The following SERPINB1 variants were observed in gnomAD, a reference collection of about 807,000 sequenced individuals.
SERPINB1 encodes the protein serpin family B member 1.
In SERPINB1, 23 loss-of-function variants were observed where a neutral mutation model predicts 25.9. The ratio of observed to expected loss-of-function variants is 0.89; its 90% CI spans 0.64 to 1.26. The LOEUF is 1.26. SERPINB1 is among the 50% of genes most tolerant of loss of function. The pLI, the probability that SERPINB1 is intolerant of heterozygous loss-of-function variation, is 0.00. For missense variants in SERPINB1, 399 were observed against 463.6 expected (o/e 0.86, Z 1.28); for synonymous variants, 178 against 178.7 (o/e 1.00, Z 0.03).
chr6:2,840,099 TGTA>T lies in SERPINB1; in HGVS notation c.168+317_168+319del, dbSNP rs138679585. Among the ~76,000 whole-genome samples, 1,335 of 152,232 alleles carry T rather than the reference TGTA, an allele frequency of 8.8e-3. 21 individuals are homozygous for T. Among genetic ancestry groups the T allele is most frequent in the African/African-American group, 0.03 (1,252 of 41,538 alleles). The stretch of plus-strand genomic sequence containing the variant: ...ACTGGAAGATGCTAGCTCAGGAGGA[TGTA>T]GTATGCCTTTCAGGAAAGCTGTCAG... On this transcript the variant is annotated intron_variant, in intron 2 of 6. Transcript: ENST00000380739.
chr6:2,833,814 C>A lies in SERPINB1; in HGVS notation c.934G>T (p.Asp312Tyr), dbSNP rs747256292. ...ADLSGMSGAR[D>Y]IFISKIVHKS... ...TGGACAATTTTTGATATAAAAATAT[C>A]TCTGGCTCCTGACATGCCAGACAGA... is the stretch of plus-strand genomic sequence containing the variant. Residue 312 changes from aspartate (D) to tyrosine (Y), a missense_variant, in exon 7 of 7, where the codon GAT becomes TAT. Transcript: ENST00000380739. 1 of 1,614,142 alleles carries A rather than the reference C, an allele frequency of 6.2e-7. No homozygotes were observed. The highest frequency in any genetic ancestry group is 1.7e-5 in the Admixed American group (1 of 60,010).
At chr6:2,836,293 A>T in intron 4 of SERPINB1, 43 bp from the exon 5 acceptor site, 1 of 1,564,772 alleles carries the variant, frequency 6.4e-7, no homozygotes. Context: ...CCAAATCGGA[A>T]TTCCAAATTT....
chr6:2,835,847 G>C lies in SERPINB1; in HGVS notation c.735+9C>G. On this transcript the variant is annotated intron_variant, in intron 6 of 6. Transcript: ENST00000380739. Reference sequence around the variant, plus strand: ...AGGAACCACAAAGCATGAAGCCCAGGAGCCATACCTTCTTCAGGCCCGTGG... The same window carrying C: ...AGGAACCACAAAGCATGAAGCCCAGCAGCCATACCTTCTTCAGGCCCGTGG... The C allele has an allele frequency of 1.2e-6, 2 of 1,608,566 alleles. No individual in the cohort carries two copies. Among genetic ancestry groups the C allele is most frequent in the East Asian group, 4.5e-5 (2 of 44,782 alleles).
intron 6 of SERPINB1, among the ~76,000 whole-genome samples, chr6:2,834,347 CCAGCAACA>C (rs1488013514): frequency 2.6e-5 from 4 of 151,380 alleles, no homozygotes; most frequent in Non-Finnish European, 5.9e-5. Context: ...ACCCAGCTAC[CCAGCAACA>C]CAGCCACCCA....
At chr6:2,834,979 C>T (rs958684522) in intron 6 of SERPINB1, among the ~76,000 whole-genome samples, 1 of 152,108 alleles carries the variant, frequency 6.6e-6, no homozygotes, top group Non-Finnish European at 1.5e-5. Context: ...CTGATAATTC[C>T]TTTTAAGAGG....
Position 2,837,165 on chromosome 6 carries a change from T to C in SERPINB1, c.424+717A>G, listed in dbSNP as rs1766514685. Reference sequence around the variant, plus strand: ...GGTATTTCCATGAAATTCCAGGACATTTCTTTCCATATGAGTATTAGGTAA... The same window carrying C: ...GGTATTTCCATGAAATTCCAGGACACTTCTTTCCATATGAGTATTAGGTAA... On this transcript the variant is annotated intron_variant, in intron 4 of 6. Coordinates refer to ENST00000380739, the MANE Select transcript of SERPINB1 (RefSeq NM_030666.4). The surrounding 1 kb of genome is among the most constrained non-coding windows in gnomAD (Gnocchi z 4.3). Among the ~76,000 whole-genome samples, 1 of 152,274 alleles carries C rather than the reference T, an allele frequency of 6.6e-6. No homozygotes were observed. Among genetic ancestry groups the C allele is most frequent in the South Asian group, 2.1e-4 (1 of 4,838 alleles).
chr6:2,833,768 T>A lies in SERPINB1; in HGVS notation c.980A>T (p.Asn327Ile). The change falls in exon 7 of 7, where the codon AAT (asparagine) becomes ATT (isoleucine). Residue 327 changes from asparagine (N) to isoleucine (I), a missense_variant. By Grantham distance (149) the Asn-to-Ile change is moderately radical. Transcript: ENST00000380739. ...KIVHKSFVEV[N>I]EEGTEAAAAT... ...AGCTGCCGCCTCTGTTCCCTCTTCA[T>A]TCACTTCCACAAATGACTTGTGGAC... 4 of 1,614,176 alleles carry A rather than the reference T, an allele frequency of 2.5e-6. No individual in the cohort carries two copies. The highest frequency in any genetic ancestry group is 3.4e-6 in the Non-Finnish European group (4 of 1,180,014).
At position 2,836,032 on chromosome 6, in the gene SERPINB1, T is replaced by G. The variant is rs385955; in HGVS notation, c.568-9A>C. On this transcript the variant is annotated splice_polypyrimidine_tract_variant and intron_variant, in intron 5 of 6. Coordinates refer to ENST00000380739, the MANE Select transcript of SERPINB1 (RefSeq NM_030666.4). Reference sequence around the variant, plus strand: ...ACAGTTTTTCTGTCTTTCTGAACAGTTTTAAAAAATCACTGAAATTATTCT... The same window carrying G: ...ACAGTTTTTCTGTCTTTCTGAACAGGTTTAAAAAATCACTGAAATTATTCT... 16 of 1,613,712 alleles carry G rather than the reference T, an allele frequency of 9.9e-6. No individual in the cohort carries two copies. In the East Asian group the frequency reaches 3.3e-4, roughly 34 times the overall value.
chr6:2,838,701 A>C lies in SERPINB1; in HGVS notation c.169-15T>G. ...AAATGGAAAGTCTAAAATAAAGAAA[A>C]TCTTCTTTCTACAACCATTTATTTT... On this transcript the variant is annotated splice_polypyrimidine_tract_variant and intron_variant, in intron 2 of 6. Coordinates refer to ENST00000380739, the MANE Select transcript of SERPINB1 (RefSeq NM_030666.4). 1 of 1,541,664 alleles carries C rather than the reference A, an allele frequency of 6.5e-7. No homozygotes were observed. The highest frequency in any genetic ancestry group is 8.7e-7 in the Non-Finnish European group (1 of 1,145,528).
Position 2,835,864 on chromosome 6 carries a change from G to C in SERPINB1, c.727C>G (p.Leu243Val), listed in dbSNP as rs200375056. ...AAGCCCAGGAGCCATACCTTCTTCA[G>C]GCCCGTGGACTCGTCCTCAATGTCA... is the stretch of plus-strand genomic sequence containing the variant. Reference protein sequence around the residue: ...PDDIEDESTGLKKIEEQLTLE... With the variant: ...PDDIEDESTGVKKIEEQLTLE... The change falls in exon 6 of 7, where the codon CTG becomes GTG. Residue 243 changes from leucine to valine, a missense_variant. Coordinates refer to ENST00000380739, the MANE Select transcript of SERPINB1 (RefSeq NM_030666.4). The C allele has an allele frequency of 4.2e-5, 68 of 1,613,180 alleles. No homozygotes were observed. Among genetic ancestry groups the C allele is most frequent in the Middle Eastern group, 3.4e-4 (2 of 5,956 alleles).
intron 2 of SERPINB1, 74 bp from the exon 3 acceptor site, chr6:2,838,760 T>C (rs1581166695): frequency 8.4e-7 from 1 of 1,191,812 alleles, no homozygotes; most frequent in East Asian, 2.7e-5. Flanking sequence ...TGTTTCCTTC[T>C]ATCACATTAA....
intron 6 of SERPINB1, among the ~76,000 whole-genome samples, chr6:2,834,317 A>ATCCT (rs1766425956): frequency 1.3e-5 from 2 of 150,842 alleles, no homozygotes; most frequent in African/African-American, 4.9e-5. Context: ...CCATCCATCC[A>ATCCT]TCCATCCATC....
intron 6 of SERPINB1, among the ~76,000 whole-genome samples, 177 bp from the exon 7 acceptor site, chr6:2,834,189 A>G (rs1766420694): frequency 6.6e-6 from 1 of 152,210 alleles, no homozygotes; most frequent in South Asian, 2.1e-4. Context: ...TTGGTGAAAT[A>G]GGGCAGAGGT....
Position 2,837,749 on chromosome 6 carries a change from C to G in SERPINB1, c.424+133G>C. 1.4e-6 allele frequency: 1 copy of G among 720,392 alleles called. No homozygotes were observed. The highest frequency in any genetic ancestry group is 2.8e-4 in the Middle Eastern group (1 of 3,618). 44.6% of individuals were successfully genotyped at this position (720,392 alleles called of 1,614,324 possible). On this transcript the variant is annotated intron_variant, in intron 4 of 6. Transcript: ENST00000380739. The surrounding 1 kb of genome is among the most constrained non-coding windows in gnomAD (Gnocchi z 4.3). ...TGCAGACTTCACGCACCGGCAGCGTCCTCTGACTGTAACCACGATGTGCGC... is the reference window on the plus strand; with the variant it reads ...TGCAGACTTCACGCACCGGCAGCGTGCTCTGACTGTAACCACGATGTGCGC...
At chr6:2,835,641 A>G (rs188075246) in intron 6 of SERPINB1, among the ~76,000 whole-genome samples, 27 of 152,352 alleles carry the variant, frequency 1.8e-4, no homozygotes, top group Admixed American at 5.2e-4. Context: ...GGTCAAGACC[A>G]GCCTAAACAA....
chr6:2,836,066 T>C (rs377617943), intron 5 of SERPINB1, 42 bp downstream of exon 5: 1 of 1,613,646 alleles, frequency 6.2e-7, no homozygotes, highest in Non-Finnish European at 8.5e-7. Flanking sequence ...CTCTGCATTC[T>C]TTTAGAGCAA....
In SERPINB1 at chr6:2,841,037, T is replaced by C. The variant is rs2113545823; in HGVS notation, c.-8-443A>G. ...AATGAATCCATTGCCTACCTTCACCTGAACTAAGAGCCTTCTATCAGAGAC... is the reference window on the plus strand; with the variant it reads ...AATGAATCCATTGCCTACCTTCACCCGAACTAAGAGCCTTCTATCAGAGAC... On this transcript the variant is annotated intron_variant, in intron 1 of 6. Coordinates refer to ENST00000380739, the MANE Select transcript of SERPINB1 (RefSeq NM_030666.4). The surrounding 1 kb of genome is among the most constrained non-coding windows in gnomAD (Gnocchi z 4.5). Among the ~76,000 whole-genome samples the C allele has an allele frequency of 6.6e-6, 1 of 152,132 alleles. No individual in the cohort carries two copies. Among genetic ancestry groups the C allele is most frequent in the East Asian group, 1.9e-4 (1 of 5,186 alleles).
chr6:2,838,793 T>C, intron 2 of SERPINB1, 107 bp from the exon 3 acceptor site: 1 of 905,930 alleles, frequency 1.1e-6, no homozygotes. Context: ...TTATTACTAA[T>C]TATTGATGAT....
At chr6:2,836,331 G>T in intron 4 of SERPINB1, 81 bp from the exon 5 acceptor site, 1 of 1,356,414 alleles carries the variant, frequency 7.4e-7, no homozygotes, top group Non-Finnish European at 1.0e-6. Flanking sequence ...GCACGGAAAT[G>T]CAATTCAAAT....
Sources: gnomAD v4.1 joint callset for allele counts (sites outside exome capture counted in the v4.1 genomes callset) on GRCh38, gnomAD v4.1.1 for gene constraint, Gnocchi (gnomAD v3.1) non-coding constraint, MANE v1.5 for transcripts, NCBI Gene and HGNC (gene_info 2026-07-23, HGNC 2026-07-21) for gene names.